The following GRM7 variants were observed in gnomAD, a reference collection of about 807,000 sequenced individuals.
The protein encoded by GRM7 is glutamate metabotropic receptor 7.
A neutral mutation model predicts 84.5 loss-of-function variants in GRM7; 35 were observed. The ratio of observed to expected loss-of-function variants is 0.41; its 90% confidence interval spans 0.32 to 0.55. GRM7 has a LOEUF of 0.55. GRM7 is among the 20% of genes least tolerant of loss of function. The probability of loss-of-function intolerance (pLI) is 0.19; values close to 1 mark genes in which losing one functional copy is unlikely to be tolerated. For missense variants in GRM7, 1,003 were observed against 1,194.6 expected (o/e 0.84, Z 2.36); for synonymous variants, 487 against 455.1 (o/e 1.07, Z -0.89).
In GRM7 at chr3:7,273,676, T is replaced by A. The variant is rs190016336; in HGVS notation, c.737-25008T>A. On this transcript the variant is annotated intron_variant, in intron 2 of 9. Transcript: ENST00000357716. The stretch of plus-strand genomic sequence containing the variant: ...CTTGAGATTAATATAGCTACTTCTT[T>A]TCTTTTGATTAGTGTTAGTATGGTA... Among the ~76,000 whole-genome samples, 158 of 152,182 alleles carry A rather than the reference T, an allele frequency of 1.0e-3. 1 individual carries two copies. Among genetic ancestry groups the A allele is most frequent in the African/African-American group, 3.4e-3 (143 of 41,576 alleles).
chr3:7,108,944 A>G (rs1692750075), intron 1 of GRM7, among the ~76,000 whole-genome samples: 1 of 152,174 alleles, frequency 6.6e-6, no homozygotes, highest in African/African-American at 2.4e-5. Context: ...ATGCAATTGG[A>G]GGTTTCAAAA....
intron 1 of GRM7, among the ~76,000 whole-genome samples, chr3:7,126,420 G>C: frequency 6.6e-6 from 1 of 152,170 alleles, no homozygotes; most frequent in East Asian, 1.9e-4. Flanking sequence ...CCGTGCTCCA[G>C]AAAGCATGCT....
chr3:7,559,660 C>T (rs975945605), intron 7 of GRM7, among the ~76,000 whole-genome samples: 3 of 152,064 alleles, frequency 2.0e-5, no homozygotes, highest in Non-Finnish European at 2.9e-5. Context: ...TCTGCGAAGG[C>T]GAATGAACAC....
At chr3:7,659,731 A>AACAACAAACTCTTCC (rs2125121952) in intron 8 of GRM7, among the ~76,000 whole-genome samples, 2 of 152,326 alleles carry the variant, frequency 1.3e-5, no homozygotes, top group East Asian at 3.9e-4. Flanking sequence ...CACAGCAACA[A>AACAACAAACTCTTCC]GGTCTCACTG....
chr3:7,189,232 T>C (rs1695625030), intron 2 of GRM7, among the ~76,000 whole-genome samples: 2 of 152,168 alleles, frequency 1.3e-5, no homozygotes, highest in Admixed American at 6.5e-5. Flanking sequence ...CATATGTATA[T>C]ACACACATAT....
intron 4 of GRM7, among the ~76,000 whole-genome samples, chr3:7,335,003 A>G (rs1321963375): frequency 7.1e-6 from 1 of 140,790 alleles, no homozygotes; most frequent in Non-Finnish European, 1.5e-5. Context: ...TAGACAGGTC[A>G]TCAAGATAGA....
Position 7,289,743 on chromosome 3 carries a change from C to T in GRM7, c.737-8941C>T, listed in dbSNP as rs553878104. ...TGAAACTGGAAACCATCATTCTCAGCAAACTATCACAGGGACAAAAAAACA... is the reference window on the plus strand; with the variant it reads ...TGAAACTGGAAACCATCATTCTCAGTAAACTATCACAGGGACAAAAAAACA... On this transcript the variant is annotated intron_variant, in intron 2 of 9. Coordinates refer to ENST00000357716, the MANE Select transcript of GRM7 (RefSeq NM_000844.4). Among the ~76,000 whole-genome samples the T allele has an allele frequency of 4.0e-5, 6 of 151,390 alleles. No homozygotes were observed. The East Asian group carries it at 1.2e-3, about 30-fold the overall frequency.
At chr3:7,483,183 G>C (rs1464715495) in intron 7 of GRM7, among the ~76,000 whole-genome samples, 1 of 152,128 alleles carries the variant, frequency 6.6e-6, no homozygotes, top group African/African-American at 2.4e-5. Flanking sequence ...TGGACATGAG[G>C]TTTCTGATCA....
At chr3:7,421,914 A>G (rs1434644034) in intron 5 of GRM7, among the ~76,000 whole-genome samples, 2 of 140,750 alleles carry the variant, frequency 1.4e-5, no homozygotes, top group Non-Finnish European at 1.5e-5. Context: ...CTCTACAAAC[A>G]GTAAAAAAAA....
intron 7 of GRM7, among the ~76,000 whole-genome samples, chr3:7,515,294 A>C (rs111638785): frequency 1.1e-4 from 16 of 151,590 alleles, no homozygotes; most frequent in African/African-American, 3.6e-4. Context: ...TGAGCCTGAT[A>C]GTTTTTGTGT....
At chr3:7,639,235 T>A (rs1698250508) in intron 8 of GRM7, among the ~76,000 whole-genome samples, 1 of 152,170 alleles carries the variant, frequency 6.6e-6, no homozygotes, top group South Asian at 2.1e-4. Flanking sequence ...TAGAGTTTAA[T>A]ACATTTCTGT....
chr3:7,575,723 A>G (rs1002845151), intron 7 of GRM7, among the ~76,000 whole-genome samples: 9 of 152,196 alleles, frequency 5.9e-5, no homozygotes, highest in African/African-American at 2.2e-4. Context: ...CTGGAGCAGG[A>G]GGAATCTTTG....
At chr3:7,203,254 T>A (rs1030857564) in intron 2 of GRM7, among the ~76,000 whole-genome samples, 6 of 152,198 alleles carry the variant, frequency 3.9e-5, no homozygotes, top group African/African-American at 1.4e-4. Flanking sequence ...ATCATTCTAT[T>A]CTCTACGTCC....
chr3:7,466,707 C>T (rs1279733200), intron 7 of GRM7, among the ~76,000 whole-genome samples: 1 of 152,226 alleles, frequency 6.6e-6, no homozygotes, highest in Non-Finnish European at 1.5e-5. Flanking sequence ...TGCATATTCT[C>T]TTAAATAGAA....
At chr3:6,980,159 C>T (rs545732847) in intron 1 of GRM7, among the ~76,000 whole-genome samples, 6 of 151,974 alleles carry the variant, frequency 3.9e-5, no homozygotes, top group African/African-American at 1.4e-4. Flanking sequence ...TTCACTCTTT[C>T]TTTCTTGAGT....
At position 7,680,161 on chromosome 3, in the gene GRM7, A is replaced by G; in HGVS notation, c.2564A>G (p.Asn855Ser). Residue 855 changes from asparagine (N) to serine (S), a missense_variant, in exon 9 of 10, where the codon AAT becomes AGT. Coordinates refer to ENST00000357716, the MANE Select transcript of GRM7 (RefSeq NM_000844.4). ...ATCATCATTTTCCACCCTGAACTCA[A>G]TGTCCAGAAACGGAAGCGAAGCTTC... Reference protein sequence around the residue: ...VYIIIFHPELNVQKRKRSFKA... With the variant: ...VYIIIFHPELSVQKRKRSFKA... 1 of 1,614,180 alleles carries G rather than the reference A, an allele frequency of 6.2e-7. No individual in the cohort carries two copies. Among genetic ancestry groups the G allele is most frequent in the Non-Finnish European group, 8.5e-7 (1 of 1,180,016 alleles).
intron 8 of GRM7, among the ~76,000 whole-genome samples, chr3:7,583,887 C>G (rs1327100974): frequency 1.3e-5 from 2 of 152,142 alleles, no homozygotes; most frequent in African/African-American, 4.8e-5. Flanking sequence ...GACTGTGATG[C>G]AGAGATAAAA....
chr3:7,550,762 G>T (rs1251452717), intron 7 of GRM7, among the ~76,000 whole-genome samples: 1 of 151,872 alleles, frequency 6.6e-6, no homozygotes, highest in Non-Finnish European at 1.5e-5. Context: ...CTGGTGTTTG[G>T]TCTATAGCTG....
Position 7,142,812 on chromosome 3 carries a change from C to T in GRM7, c.520-3640C>T, listed in dbSNP as rs190523078. On this transcript the variant is annotated intron_variant, in intron 1 of 9. Coordinates refer to ENST00000357716, the MANE Select transcript of GRM7 (RefSeq NM_000844.4). ...CATATGTTGTTAATTTTCATTAAAA[C>T]GCATACACTTATTTTAAATAGGTTA... is the stretch of plus-strand genomic sequence containing the variant. Among the ~76,000 whole-genome samples the T allele has an allele frequency of 8.5e-5, 13 of 152,166 alleles. No individual in the cohort carries two copies. In the East Asian group the frequency reaches 9.6e-4, roughly 11 times the overall value.
Sources: gnomAD v4.1 joint callset for allele counts (sites outside exome capture counted in the v4.1 genomes callset) on GRCh38, gnomAD v4.1.1 for gene constraint, MANE v1.5 for transcripts, NCBI Gene and HGNC (gene_info 2026-07-23, HGNC 2026-07-21) for gene names.